Variants in LINGO2 observed in about 807,000 individuals in gnomAD.
The protein encoded by LINGO2 is leucine rich repeat and Ig domain containing 2, also known as leucine-rich repeat and immunoglobulin-like domain-containing nogo receptor-interacting protein 2.
In LINGO2, 14 loss-of-function variants were observed where a neutral mutation model predicts 30.6. The observed-to-expected ratio is 0.46, with a 90% CI of 0.30 to 0.72. The LOEUF is 0.72. Ranked by LOEUF, LINGO2 falls within the 30% of genes least tolerant of loss-of-function variation. LINGO2 has a pLI of 0.07. For missense variants in LINGO2, 729 were observed against 751.7 expected (o/e 0.97, Z 0.35); for synonymous variants, 317 against 288.5 (o/e 1.10, Z -1.00).
chr9:28,696,934 A>C, the LINGO2 span, among the ~76,000 whole-genome samples: 9 of 151,914 alleles, frequency 5.9e-5, no homozygotes, highest in Non-Finnish European at 1.2e-4. Context: ...TCCTTGGCAT[A>C]CTTACTTTGC....
chr9:28,950,825 G>A, the LINGO2 span, among the ~76,000 whole-genome samples: 932 of 152,106 alleles, frequency 6.1e-3, 6 homozygotes, highest in Non-Finnish European at 9.8e-3. Flanking sequence ...CATACTGCCC[G>A]AAGTAATTTA....
At chr9:28,928,819 G>A in the LINGO2 span, among the ~76,000 whole-genome samples, 4 of 152,228 alleles carry the variant, frequency 2.6e-5, no homozygotes, top group East Asian at 5.8e-4. Context: ...GCCTTTCAGG[G>A]TAGTGAGTTC....
intron 1 of LINGO2, among the ~76,000 whole-genome samples, chr9:28,516,584 A>G (rs1820627688): frequency 6.6e-6 from 1 of 152,190 alleles, no homozygotes; most frequent in Non-Finnish European, 1.5e-5. Context: ...CCAAGTCTAA[A>G]TAGGTGATGC....
At chr9:28,405,998 A>G (rs930445000) in intron 2 of LINGO2, among the ~76,000 whole-genome samples, 2 of 152,206 alleles carry the variant, frequency 1.3e-5, no homozygotes, top group South Asian at 2.1e-4. Flanking sequence ...TAGCTTTCTA[A>G]TTTTTCTCCA....
intron 4 of LINGO2, among the ~76,000 whole-genome samples, chr9:28,223,973 G>A (rs764808212): frequency 2.0e-5 from 3 of 152,182 alleles, no homozygotes; most frequent in Non-Finnish European, 4.4e-5. Flanking sequence ...CTGGGTTGAT[G>A]TGTAAGTGTG....
chr9:29,176,145 A>G, the LINGO2 span, among the ~76,000 whole-genome samples: 24 of 152,264 alleles, frequency 1.6e-4, no homozygotes, highest in Admixed American at 1.6e-3. Flanking sequence ...TATTCATAAC[A>G]ATCCATTGGG....
the LINGO2 span, among the ~76,000 whole-genome samples, chr9:28,874,473 G>T: frequency 3.3e-5 from 5 of 151,820 alleles, no homozygotes; most frequent in Non-Finnish European, 5.9e-5. Flanking sequence ...ATTATTTTTT[G>T]ATTTGTACTG....
chr9:28,294,435 T>C (rs750688192), intron 4 of LINGO2, among the ~76,000 whole-genome samples: 28 of 152,198 alleles, frequency 1.8e-4, no homozygotes, highest in Non-Finnish European at 3.4e-4. Flanking sequence ...TCAAATAAAC[T>C]GTTAAAATTT....
the LINGO2 span, among the ~76,000 whole-genome samples, chr9:28,771,654 G>A: frequency 1.6e-4 from 25 of 152,080 alleles, no homozygotes; most frequent in South Asian, 4.4e-3. Flanking sequence ...TCAATTAAAG[G>A]GGAATAATAA....
intron 4 of LINGO2, among the ~76,000 whole-genome samples, chr9:28,225,372 T>G (rs1821110879): frequency 6.6e-6 from 1 of 152,128 alleles, no homozygotes; most frequent in African/African-American, 2.4e-5. Context: ...TCAAGTTTCT[T>G]CAAATTACTA....
intron 4 of LINGO2, among the ~76,000 whole-genome samples, chr9:28,049,843 C>CAT (rs1277957583): frequency 1.3e-5 from 2 of 150,502 alleles, no homozygotes; most frequent in Non-Finnish European, 2.9e-5. Flanking sequence ...GGTTGGACTC[C>CAT]ATTCCATAAG....
intron 4 of LINGO2, among the ~76,000 whole-genome samples, chr9:28,175,150 G>A (rs1385688620): frequency 6.6e-6 from 1 of 152,102 alleles, no homozygotes; most frequent in Non-Finnish European, 1.5e-5. Flanking sequence ...GAAGGGCCAA[G>A]AAAGCAAAGT....
chr9:28,241,426 G>A (rs758331080), intron 4 of LINGO2, among the ~76,000 whole-genome samples: 12 of 152,214 alleles, frequency 7.9e-5, no homozygotes, highest in Non-Finnish European at 1.5e-4. Context: ...AGGTATCAGG[G>A]TTCTGTCATT....
intron 4 of LINGO2, among the ~76,000 whole-genome samples, chr9:28,046,317 T>C (rs1563940619): frequency 6.6e-6 from 1 of 152,154 alleles, no homozygotes. Context: ...AGTTCTCCAG[T>C]CTTAGCCTGT....
At chr9:28,302,239 A>G (rs1428702059) in intron 3 of LINGO2, among the ~76,000 whole-genome samples, 1 of 152,206 alleles carries the variant, frequency 6.6e-6, no homozygotes, top group Non-Finnish European at 1.5e-5. Context: ...GAAATGATGG[A>G]GGGTAAGTGG....
rs993095720 is a variant in LINGO2, at chr9:28,137,245, G to A, written c.-86-124840C>T. 3.3e-5 allele frequency among the ~76,000 whole-genome samples: 5 copies of A among 150,932 alleles called. No homozygotes were observed. The South Asian group carries it at 1.0e-3, about 32-fold the overall frequency. ...CACACACAAATTGGTTTTCTCTAGA[G>A]AACCCTGGCAAATATATACATTTAA... On this transcript the variant is annotated intron_variant, in intron 4 of 5. Coordinates refer to ENST00000379992, the Ensembl canonical transcript of LINGO2.
the LINGO2 span, among the ~76,000 whole-genome samples, chr9:29,021,917 G>T: frequency 3.2e-3 from 489 of 151,934 alleles, 1 homozygote; most frequent in African/African-American, 0.011. Flanking sequence ...TACATAACTT[G>T]GTCAGAATAA....
At chr9:28,596,881 G>A (rs935133461) in intron 1 of LINGO2, among the ~76,000 whole-genome samples, 3 of 152,120 alleles carry the variant, frequency 2.0e-5, no homozygotes, top group African/African-American at 4.8e-5. Flanking sequence ...GAGCATGCCT[G>A]TCTTATCCAG....
chr9:28,056,020 T>C (rs1306920590), intron 4 of LINGO2, among the ~76,000 whole-genome samples: 2 of 152,014 alleles, frequency 1.3e-5, no homozygotes, highest in Admixed American at 6.6e-5. Flanking sequence ...AACATAGAAA[T>C]GAAAACTTAA....
Sources: gnomAD v4.1 joint callset for allele counts (sites outside exome capture counted in the v4.1 genomes callset) on GRCh38, gnomAD v4.1.1 for gene constraint, MANE v1.5 for transcripts, NCBI Gene and HGNC (gene_info 2026-07-23, HGNC 2026-07-21) for gene names.